The following ANKRD28 variants were observed in gnomAD, a reference collection of about 807,000 sequenced individuals.
ANKRD28 encodes serine/threonine-protein phosphatase 6 regulatory ankyrin repeat subunit A.
Under a neutral mutation model 126.5 loss-of-function variants are expected in ANKRD28, and 44 were observed. That is an observed-to-expected ratio of 0.35 (90% CI 0.27 to 0.45). The LOEUF is 0.45. Ranked by LOEUF, ANKRD28 falls within the 20% of genes least tolerant of loss-of-function variation. ANKRD28 has a pLI of 1.00. For synonymous variants in ANKRD28, 442 were observed against 468.5 expected (o/e 0.94, Z 0.73); for missense variants, 1,110 against 1,316.6 (o/e 0.84, Z 2.43).
intron 3 of ANKRD28, among the ~76,000 whole-genome samples, chr3:15,762,814 GGTATCTT>G (rs2058560679): frequency 6.6e-6 from 1 of 152,050 alleles, no homozygotes; most frequent in African/African-American, 2.4e-5. Flanking sequence ...GACTTTTCTA[GGTATCTT>G]AATGACATAA....
At chr3:15,760,703 A>G (rs1290713246) in intron 3 of ANKRD28, among the ~76,000 whole-genome samples, 1 of 152,230 alleles carries the variant, frequency 6.6e-6, no homozygotes, top group Non-Finnish European at 1.5e-5. Flanking sequence ...TAGAGAGACT[A>G]TGAGAGCTAG....
chr3:15,808,417 A>G (rs954015511), intron 1 of ANKRD28, among the ~76,000 whole-genome samples: 4 of 152,242 alleles, frequency 2.6e-5, no homozygotes, highest in African/African-American at 9.6e-5. Context: ...CAGAGAGGAA[A>G]AAAGAAAACA....
chr3:15,835,462 G>C (rs2061302069), intron 1 of ANKRD28, among the ~76,000 whole-genome samples: 1 of 152,224 alleles, frequency 6.6e-6, no homozygotes, highest in Non-Finnish European at 1.5e-5. Context: ...AAAAAAGGTA[G>C]ATTCACGTTC....
chr3:15,793,544 T>C (rs992353009), intron 2 of ANKRD28, among the ~76,000 whole-genome samples: 36 of 152,200 alleles, frequency 2.4e-4, no homozygotes, highest in African/African-American at 8.4e-4. Flanking sequence ...AACTTTGTAA[T>C]GATGGAGAAA....
At chr3:15,771,219 G>A (rs907746668) in intron 2 of ANKRD28, among the ~76,000 whole-genome samples, 1 of 151,986 alleles carries the variant, frequency 6.6e-6, no homozygotes, top group African/African-American at 2.4e-5. Flanking sequence ...AGACCAACCC[G>A]GCCAACATGG....
chr3:15,852,486 T>G (rs2061673820), intron 1 of ANKRD28, among the ~76,000 whole-genome samples: 1 of 152,232 alleles, frequency 6.6e-6, no homozygotes, highest in Non-Finnish European at 1.5e-5. Flanking sequence ...AGAAAATACA[T>G]ATCTTTAAAT....
At chr3:15,751,717 T>A in intron 4 of ANKRD28, 33 bp downstream of exon 4, 10 of 1,385,482 alleles carry the variant, frequency 7.2e-6, no homozygotes, top group Non-Finnish European at 1.0e-5. Context: ...AATGTTTTCA[T>A]ATAAAACATA....
chr3:15,766,378 T>C, intron 2 of ANKRD28, 66 bp from the exon 3 acceptor site: 1 of 1,182,484 alleles, frequency 8.5e-7, no homozygotes, highest in South Asian at 1.4e-5. Flanking sequence ...ATAGTTTTAA[T>C]AACCACAACA....
rs1014686184 is a variant in ANKRD28, at chr3:15,853,103, C to T, written c.27+6274G>A. ...ATATTTGAAAATTAAACCACTTCAA[C>T]TTTACATTGTATACAATATCCCAGT... is the stretch of plus-strand genomic sequence containing the variant. On this transcript the variant is annotated intron_variant, in intron 1 of 27. Transcript: ENST00000399451. The surrounding 1 kb of genome is among the most constrained non-coding windows in gnomAD (Gnocchi z 4.2). 3.9e-5 allele frequency among the ~76,000 whole-genome samples: 6 copies of T among 152,098 alleles called. No homozygotes were observed. Among genetic ancestry groups the T allele is most frequent in the Admixed American group, 6.5e-5 (1 of 15,274 alleles).
intron 5 of ANKRD28, among the ~76,000 whole-genome samples, chr3:15,736,613 G>T (rs1418851383): frequency 6.6e-6 from 1 of 152,146 alleles, no homozygotes; most frequent in Admixed American, 6.5e-5. Flanking sequence ...TAACTAAATA[G>T]CAATTTTCTT....
chr3:15,683,565 G>C (rs2067769939), intron 21 of ANKRD28, among the ~76,000 whole-genome samples: 1 of 152,160 alleles, frequency 6.6e-6, no homozygotes, highest in Non-Finnish European at 1.5e-5. Flanking sequence ...CTTGTTCAAT[G>C]AGCAACAGAT....
At chr3:15,831,991 T>G (rs2061203366) in intron 1 of ANKRD28, among the ~76,000 whole-genome samples, 1 of 152,242 alleles carries the variant, frequency 6.6e-6, no homozygotes, top group Non-Finnish European at 1.5e-5. Flanking sequence ...GCCAGGGTCC[T>G]ATCTCAGACA....
intron 14 of ANKRD28, among the ~76,000 whole-genome samples, chr3:15,697,960 G>T: frequency 6.6e-6 from 1 of 151,952 alleles, no homozygotes; most frequent in East Asian, 1.9e-4. Flanking sequence ...TTTAGTCTTG[G>T]GAGGGTGTAT....
intron 2 of ANKRD28, among the ~76,000 whole-genome samples, chr3:15,787,564 G>C (rs2125747899): frequency 6.6e-6 from 1 of 152,278 alleles, no homozygotes; most frequent in South Asian, 2.1e-4. Flanking sequence ...GGGATGGAGG[G>C]TTGTGGGCTC....
At chr3:15,756,190 G>A (rs1408055321) in intron 3 of ANKRD28, among the ~76,000 whole-genome samples, 1 of 152,166 alleles carries the variant, frequency 6.6e-6, no homozygotes, top group East Asian at 1.9e-4. Context: ...CTAGAGTAGA[G>A]ATGTGACTGA....
chr3:15,798,071 G>T (rs2060358013), upstream of ANKRD28: 1 of 985,378 alleles, frequency 1.0e-6, no homozygotes, highest in Non-Finnish European at 1.2e-6. Flanking sequence ...TGCCAGTTCT[G>T]TGACTAATCC....
rs1239565687 is a variant in ANKRD28, at chr3:15,845,154, T to G, written c.27+14223A>C. On this transcript the variant is annotated intron_variant, in intron 1 of 27. Transcript: ENST00000399451. This position sits in a 1 kb window ranked among gnomAD's most constrained non-coding sequence, Gnocchi z 4.9. ...GTCCCACCTCCAACACTGGGGATTA[T>G]AACTAGAAATGAGATTTAGGCACAC... Among the ~76,000 whole-genome samples the G allele has an allele frequency of 1.3e-5, 2 of 152,182 alleles. No individual in the cohort carries two copies. The highest frequency in any genetic ancestry group is 2.4e-5 in the African/African-American group (1 of 41,440).
chr3:15,743,391 A>G (rs901562960), intron 4 of ANKRD28, among the ~76,000 whole-genome samples: 3 of 152,172 alleles, frequency 2.0e-5, no homozygotes, highest in Admixed American at 6.5e-5. Context: ...AAAACAAAAC[A>G]TATTTGCAAA....
intron 5 of ANKRD28, 55 bp downstream of exon 5, chr3:15,736,978 A>C: frequency 6.4e-7 from 1 of 1,554,610 alleles, no homozygotes; most frequent in Non-Finnish European, 8.8e-7. Context: ...TTCTTTAATA[A>C]GTGGGGGGTG....
Sources: gnomAD v4.1 joint callset for allele counts (sites outside exome capture counted in the v4.1 genomes callset) on GRCh38, gnomAD v4.1.1 for gene constraint, Gnocchi (gnomAD v3.1) non-coding constraint, MANE v1.5 for transcripts, NCBI Gene and HGNC (gene_info 2026-07-23, HGNC 2026-07-21) for gene names.